Variants in SMCHD1 observed in about 807,000 individuals in gnomAD.
SMCHD1 encodes structural maintenance of chromosomes flexible hinge domain containing 1.
A neutral mutation model predicts 254.7 loss-of-function variants in SMCHD1; 78 were observed. The observed-to-expected ratio is 0.31, with a 90% CI of 0.26 to 0.37. The LOEUF (loss-of-function observed/expected upper bound fraction) is 0.37. Ranked by LOEUF, SMCHD1 falls within the 10% of genes least tolerant of loss-of-function variation. The probability of loss-of-function intolerance (pLI) is 1.00; values close to 1 mark genes in which losing one functional copy is unlikely to be tolerated. For synonymous variants in SMCHD1, 766 were observed against 794.9 expected (o/e 0.96, Z 0.61); for missense variants, 1,840 against 2,408.1 (o/e 0.76, Z 4.94).
chr18:2,800,322 A>G (rs901465778), intron 47 of SMCHD1, among the ~76,000 whole-genome samples: 55 of 152,156 alleles, frequency 3.6e-4, no homozygotes, highest in African/African-American at 1.1e-3. Flanking sequence ...TTCCTTGTCA[A>G]CAGGCATGAA....
At chr18:2,757,944 G>T (rs1039105911) in intron 34 of SMCHD1, among the ~76,000 whole-genome samples, 2 of 151,718 alleles carry the variant, frequency 1.3e-5, no homozygotes, top group African/African-American at 4.8e-5. Context: ...TTTTTCTCTA[G>T]TAACGTTTTT....
At chr18:2,685,339 T>A (rs1482342665) in intron 5 of SMCHD1, among the ~76,000 whole-genome samples, 1 of 152,074 alleles carries the variant, frequency 6.6e-6, no homozygotes, top group Non-Finnish European at 1.5e-5. Context: ...GACCTCGTGA[T>A]CCGCCCACCT....
chr18:2,704,375 A>ATT (rs1467436161), intron 13 of SMCHD1, among the ~76,000 whole-genome samples: 3 of 152,002 alleles, frequency 2.0e-5, no homozygotes, highest in African/African-American at 7.2e-5. Context: ...TTAAGTAATG[A>ATT]TTTTTAAGTA....
chr18:2,742,998 T>G (rs58209329), intron 28 of SMCHD1, among the ~76,000 whole-genome samples: 1 of 152,078 alleles, frequency 6.6e-6, no homozygotes, highest in Non-Finnish European at 1.5e-5. Context: ...TGCTGAAATA[T>G]TGTTACAGCA....
Position 2,743,837 on chromosome 18 carries a change from C to G in SMCHD1, c.3710C>G (p.Thr1237Ser). The G allele has an allele frequency of 6.2e-7, 1 of 1,613,074 alleles. No homozygotes were observed. Reference protein sequence around the residue: ...GPPGNKDLCFTWREFSDFIRV... With the variant: ...GPPGNKDLCFSWREFSDFIRV... The stretch of plus-strand genomic sequence containing the variant: ...CCTGGAAATAAGGATCTTTGTTTTA[C>G]TTGGCGTGAGTTTTCTGACTTTATT... Residue 1237 changes from threonine to serine, a missense_variant, in exon 29 of 48, where the codon ACT becomes AGT. Around this residue, in one of 9 missense-constraint regions of SMCHD1, gnomAD observed 881 missense variants for 1,009.5 expected, o/e 0.87. Transcript: ENST00000320876.
intron 1 of SMCHD1, among the ~76,000 whole-genome samples, chr18:2,660,312 G>A (rs996215606): frequency 1.9e-4 from 29 of 151,954 alleles, no homozygotes; most frequent in South Asian, 4.2e-4. Context: ...GTGGCAGAGC[G>A]AGACTCTTGT....
chr18:2,788,636 G>A (rs929449145), intron 45 of SMCHD1, among the ~76,000 whole-genome samples: 50 of 151,564 alleles, frequency 3.3e-4, no homozygotes, highest in African/African-American at 1.2e-3. Flanking sequence ...ACAGAGTCTC[G>A]CTCTGTTGCC....
intron 42 of SMCHD1, among the ~76,000 whole-genome samples, chr18:2,776,145 C>T (rs924621834): frequency 1.3e-5 from 2 of 152,064 alleles, no homozygotes; most frequent in Admixed American, 6.5e-5. Context: ...GTAATGTATA[C>T]ACAAAAACAT....
At chr18:2,698,985 C>A (rs1475486007) in intron 10 of SMCHD1, among the ~76,000 whole-genome samples, 2 of 152,070 alleles carry the variant, frequency 1.3e-5, no homozygotes, top group Non-Finnish European at 2.9e-5. Flanking sequence ...TTGGAATCAG[C>A]TTTGTACATT....
intron 19 of SMCHD1, among the ~76,000 whole-genome samples, chr18:2,719,778 C>T (rs934045627): frequency 1.3e-5 from 2 of 151,442 alleles, no homozygotes; most frequent in African/African-American, 2.4e-5. Context: ...CAGTTTCAAG[C>T]GATTCTTCTG....
chr18:2,660,941 A>G (rs1370584847), intron 1 of SMCHD1, among the ~76,000 whole-genome samples: 4 of 152,208 alleles, frequency 2.6e-5, no homozygotes, highest in African/African-American at 9.7e-5. Flanking sequence ...ATGCCTATTG[A>G]TGATCAACTG....
rs552832359 is a variant in SMCHD1, at chr18:2,667,769, ACTT to A, written c.424+742_424+744del. On this transcript the variant is annotated intron_variant, in intron 3 of 47. Coordinates refer to ENST00000320876, the MANE Select transcript of SMCHD1 (RefSeq NM_015295.3). ...TTTTTAATGGTTTTATATGGTGCAT[ACTT>A]CTTTAACCTACATTTTGTTTAAAAA... Among the ~76,000 whole-genome samples the A allele has an allele frequency of 4.1e-3, 628 of 152,310 alleles. 4 individuals carry two copies. Among genetic ancestry groups the A allele is most frequent in the African/African-American group, 0.015 (607 of 41,556 alleles).
chr18:2,701,185 G>A (rs1292748781), intron 12 of SMCHD1: 2 of 220,144 alleles, frequency 9.1e-6, no homozygotes, highest in African/African-American at 4.6e-5. Flanking sequence ...TTTAAGACAG[G>A]AGTTTCACTC....
At chr18:2,661,309 A>C (rs150406175) in intron 1 of SMCHD1, among the ~76,000 whole-genome samples, 2,718 of 151,676 alleles carry the variant, frequency 0.018, 40 homozygotes, top group Middle Eastern at 0.093. Context: ...ACAAACCTGC[A>C]TGTTCTGCAC....
At chr18:2,756,541 A>G (rs546250139) in intron 34 of SMCHD1, among the ~76,000 whole-genome samples, 2 of 152,338 alleles carry the variant, frequency 1.3e-5, no homozygotes, top group Admixed American at 6.5e-5. Context: ...TTCAGAAGTT[A>G]TAGAACTATT....
chr18:2,726,868 A>G, intron 22 of SMCHD1: 1 of 155,532 alleles, frequency 6.4e-6, no homozygotes. Flanking sequence ...AAAAACTTCT[A>G]ATGTTATTTT....
chr18:2,674,076 C>G lies in SMCHD1; in HGVS notation c.569C>G (p.Thr190Ser), dbSNP rs1459162980. Residue 190 changes from threonine to serine, a missense_variant, in exon 5 of 48, where the codon ACC (threonine) becomes AGC (serine). Thr to Ser is a moderately conservative substitution (Grantham distance 58, BLOSUM62 1). Transcript: ENST00000320876. ...GTGATAGATAATGGAAGAGGAATGA[C>G]CTCTAAACAGCTTAACAACTGGGCC... ...VAVIDNGRGM[T>S]SKQLNNWAVY... 1.9e-6 allele frequency: 3 copies of G among 1,603,766 alleles called. No homozygotes were observed. Among genetic ancestry groups the G allele is most frequent in the Non-Finnish European group, 2.6e-6 (3 of 1,174,662 alleles).
chr18:2,758,109 C>T (rs765208567), intron 34 of SMCHD1, among the ~76,000 whole-genome samples: 4 of 152,038 alleles, frequency 2.6e-5, no homozygotes, highest in African/African-American at 7.2e-5. Context: ...ATGGCATTAT[C>T]GTTTTTTTCC....
At chr18:2,799,031 TTAG>T (rs1429826460) in intron 47 of SMCHD1, among the ~76,000 whole-genome samples, 2 of 152,188 alleles carry the variant, frequency 1.3e-5, no homozygotes, top group Non-Finnish European at 2.9e-5. Context: ...TATAATATTG[TTAG>T]TAGTATAATG....
Sources: allele counts gnomAD v4.1 joint callset (sites outside exome capture counted in the v4.1 genomes callset), GRCh38; gene constraint gnomAD v4.1.1; regional missense constraint gnomAD v4.1.1; transcripts MANE v1.5; gene names NCBI Gene and HGNC (gene_info 2026-07-23, HGNC 2026-07-21).